The following DLC1 variants were observed in gnomAD, a reference collection of about 807,000 sequenced individuals.
DLC1 encodes the protein rho GTPase-activating protein 7.
In DLC1, 54 loss-of-function variants were observed where a neutral mutation model predicts 140.3. The ratio of observed to expected loss-of-function variants is 0.38; its 90% CI spans 0.31 to 0.48. The LOEUF (loss-of-function observed/expected upper bound fraction) is 0.48, where lower values mean the gene tolerates loss of function less well. DLC1 is among the 20% of genes least tolerant of loss of function. The probability of loss-of-function intolerance (pLI) is 0.96; values close to 1 mark genes in which losing one functional copy is unlikely to be tolerated. For synonymous variants in DLC1, 986 were observed against 728.1 expected (o/e 1.35, Z -5.70); for missense variants, 2,536 against 1,907.0 (o/e 1.33, Z -6.14).
chr8:13,376,449 T>C (rs1835991899), intron 4 of DLC1, among the ~76,000 whole-genome samples: 4 of 152,128 alleles, frequency 2.6e-5, no homozygotes, highest in Admixed American at 2.6e-4. Context: ...ATCCCACCCA[T>C]CTATGAGGTG....
At chr8:13,183,251 T>C (rs1157067991) in intron 5 of DLC1, among the ~76,000 whole-genome samples, 1 of 152,218 alleles carries the variant, frequency 6.6e-6, no homozygotes, top group East Asian at 1.9e-4. Flanking sequence ...TACAATCATG[T>C]CATCTGCAAA....
At chr8:13,184,833 G>A (rs1826252675) in intron 5 of DLC1, among the ~76,000 whole-genome samples, 2 of 152,204 alleles carry the variant, frequency 1.3e-5, no homozygotes, top group African/African-American at 4.8e-5. Flanking sequence ...GCAGAGCTGA[G>A]TTCAAGTCCT....
At chr8:13,510,714 TA>T (rs909892548) in intron 1 of DLC1, among the ~76,000 whole-genome samples, 2 of 152,192 alleles carry the variant, frequency 1.3e-5, no homozygotes, top group Non-Finnish European at 2.9e-5. Context: ...GAAAATTCAC[TA>T]GTGCTCTGTT....
intron 1 of DLC1, among the ~76,000 whole-genome samples, chr8:13,528,034 T>G (rs1483379733): frequency 6.6e-6 from 1 of 152,140 alleles, no homozygotes; most frequent in African/African-American, 2.4e-5. Flanking sequence ...CATGTTGGTT[T>G]ACACATGGGC....
chr8:13,360,381 T>G (rs1835165908), intron 4 of DLC1, among the ~76,000 whole-genome samples: 1 of 152,166 alleles, frequency 6.6e-6, no homozygotes, highest in Non-Finnish European at 1.5e-5. Context: ...ATATTGGTAT[T>G]ATAAAAGCCC....
chr8:13,435,438 C>T (rs1045818883), intron 2 of DLC1, among the ~76,000 whole-genome samples: 3 of 152,218 alleles, frequency 2.0e-5, no homozygotes, highest in East Asian at 1.9e-4. Flanking sequence ...CTCAGCCTCC[C>T]GAGTAGCTGG....
chr8:13,564,815 T>A (rs1804370550), intron 1 of DLC1, among the ~76,000 whole-genome samples: 1 of 152,112 alleles, frequency 6.6e-6, no homozygotes, highest in African/African-American at 2.4e-5. Context: ...GAAGAGAAAG[T>A]AGCTGCAGAA....
chr8:13,402,020 A>C (rs1032144296), intron 2 of DLC1, among the ~76,000 whole-genome samples: 4 of 152,154 alleles, frequency 2.6e-5, no homozygotes, highest in Non-Finnish European at 4.4e-5. Context: ...TGCATATGAG[A>C]TTATATTTTT....
At chr8:13,569,412 A>T (rs1414456939) in intron 1 of DLC1, among the ~76,000 whole-genome samples, 1 of 152,208 alleles carries the variant, frequency 6.6e-6, no homozygotes, top group Non-Finnish European at 1.5e-5. Flanking sequence ...AAGTCATTCT[A>T]AATGGAAAAT....
chr8:13,307,181 A>G (rs148316033), intron 4 of DLC1, among the ~76,000 whole-genome samples: 81 of 151,556 alleles, frequency 5.3e-4, no homozygotes, highest in African/African-American at 1.8e-3. Flanking sequence ...CTCAATCTAC[A>G]TTTCGTTGTT....
At chr8:13,173,561 G>T (rs1341066785) in intron 5 of DLC1, among the ~76,000 whole-genome samples, 1 of 152,034 alleles carries the variant, frequency 6.6e-6, no homozygotes, top group Admixed American at 6.5e-5. Context: ...TAGCAGATAC[G>T]GGGTTTCACT....
At position 13,223,748 on chromosome 8, in the gene DLC1, T is replaced by G. The variant is rs144656314; in HGVS notation, c.1348+81521A>C. Among the ~76,000 whole-genome samples, 806 of 152,328 alleles carry G rather than the reference T, an allele frequency of 5.3e-3. 9 individuals are homozygous for G. Among genetic ancestry groups the G allele is most frequent in the African/African-American group, 0.018 (755 of 41,574 alleles). ...TGTTAGGAATACATATATATGAAAG[T>G]AGAGCATTATAATTTGAACAATTTA... On this transcript the variant is annotated intron_variant, in intron 5 of 17. Transcript: ENST00000276297.
At chr8:13,500,441 C>T (rs1801761039) in intron 1 of DLC1, among the ~76,000 whole-genome samples, 1 of 152,026 alleles carries the variant, frequency 6.6e-6, no homozygotes, top group African/African-American at 2.4e-5. Flanking sequence ...TTGGATTGGT[C>T]CATTAATGAA....
chr8:13,396,249 C>T (rs899464470), intron 3 of DLC1, among the ~76,000 whole-genome samples: 7 of 151,670 alleles, frequency 4.6e-5, no homozygotes, highest in Non-Finnish European at 8.8e-5. Context: ...TTACTAGAGA[C>T]GGGGTTTCAT....
At chr8:13,582,168 TG>T (rs1446533535) in intron 1 of DLC1, among the ~76,000 whole-genome samples, 5 of 152,180 alleles carry the variant, frequency 3.3e-5, no homozygotes, top group Non-Finnish European at 7.3e-5. Flanking sequence ...TTCCAACGGT[TG>T]GGATATGGTA....
rs148631933 is a variant in DLC1, at chr8:13,507,770, A to G, written c.-126+6832T>C. Among the ~76,000 whole-genome samples the G allele has an allele frequency of 4.1e-4, 63 of 152,296 alleles. 1 individual carries two copies. In the East Asian group the frequency reaches 6.0e-3, roughly 14 times the overall value. Reference sequence around the variant, plus strand: ...TTCCATGTCTTTAGGCTGTCTGGAAAGCATCAAAAACTTTACCAAATTAAA... The same window carrying G: ...TTCCATGTCTTTAGGCTGTCTGGAAGGCATCAAAAACTTTACCAAATTAAA... On this transcript the variant is annotated intron_variant, in intron 1 of 17. Transcript: ENST00000276297.
chr8:13,559,510 G>T (rs1051930576), intron 1 of DLC1: 5 of 152,150 alleles, frequency 3.3e-5, no homozygotes, highest in Non-Finnish European at 5.9e-5. Context: ...TAGTTTTACT[G>T]AAAGATTCAT....
intron 4 of DLC1, among the ~76,000 whole-genome samples, chr8:13,343,202 G>C (rs1834157684): frequency 6.6e-6 from 1 of 152,212 alleles, no homozygotes; most frequent in African/African-American, 2.4e-5. Context: ...GTTTGAGTCA[G>C]AGATTGGGTC....
chr8:13,543,052 A>G (rs1002928260), intron 1 of DLC1, among the ~76,000 whole-genome samples: 1 of 152,152 alleles, frequency 6.6e-6, no homozygotes, highest in Non-Finnish European at 1.5e-5. Flanking sequence ...CATATGGACA[A>G]ACCCTATTTG....
Sources: allele counts gnomAD v4.1 joint callset (sites outside exome capture counted in the v4.1 genomes callset), GRCh38; gene constraint gnomAD v4.1.1; transcripts MANE v1.5; gene names NCBI Gene and HGNC (gene_info 2026-07-23, HGNC 2026-07-21).